The following ANAPC4 variants were observed in gnomAD, a reference collection of about 807,000 sequenced individuals.
ANAPC4 encodes the protein anaphase promoting complex subunit 4.
Under a neutral mutation model 119.8 loss-of-function variants are expected in ANAPC4, and 63 were observed. That is an observed-to-expected ratio of 0.53 (90% CI 0.43 to 0.65). The LOEUF is 0.65. Among genes scored for constraint, ANAPC4 ranks in the 30% least tolerant of loss-of-function variants. ANAPC4 has a pLI of 0.00. For missense variants in ANAPC4, 716 were observed against 945.1 expected (o/e 0.76, Z 3.18); for synonymous variants, 283 against 318.6 (o/e 0.89, Z 1.19).
chr4:25,394,845 G>A lies in ANAPC4; in HGVS notation c.1001G>A (p.Gly334Asp). The A allele has an allele frequency of 1.2e-6, 2 of 1,612,712 alleles. No individual in the cohort carries two copies. Among genetic ancestry groups the A allele is most frequent in the Non-Finnish European group, 1.7e-6 (2 of 1,179,602 alleles). The change falls in exon 14 of 29, where the codon GGC (glycine) becomes GAC (aspartate). Residue 334 changes from glycine (G) to aspartate (D), a missense_variant. Physicochemically the swap from Gly to Asp is moderately conservative, Grantham distance 94. This residue lies in a region of ANAPC4 where 504 missense variants were observed against 615.8 expected (regional missense o/e 0.82). Coordinates refer to ENST00000315368, the MANE Select transcript of ANAPC4 (RefSeq NM_013367.3). ...TTTAATTAGGGCTTGAAAAAGCTTG[G>A]CCAGTCTATAGAGTCATCATACTCC... is the stretch of plus-strand genomic sequence containing the variant. ...QLTVKGLKKL[G>D]QSIESSYSSI...
chr4:25,417,173 G>A (rs1723932541), intron 27 of ANAPC4: 2 of 151,892 alleles, frequency 1.3e-5, no homozygotes, highest in Non-Finnish European at 2.9e-5. Context: ...CACCCAGGTT[G>A]GAGTGCAGTG....
intron 21 of ANAPC4, chr4:25,413,399 G>A (rs1401131715): frequency 5.6e-6 from 2 of 354,382 alleles, no homozygotes; most frequent in Non-Finnish European, 1.0e-5. Flanking sequence ...CCTACAGTTG[G>A]ATTTTGGTGA....
intron 16 of ANAPC4, among the ~76,000 whole-genome samples, chr4:25,397,114 C>T (rs1200210245): frequency 1.3e-5 from 2 of 152,308 alleles, no homozygotes; most frequent in Middle Eastern, 3.4e-3. Flanking sequence ...CAGGTCTTCT[C>T]GCCAGAGGGA....
intron 2 of ANAPC4, 56 bp downstream of exon 2, chr4:25,377,612 A>G: frequency 6.6e-7 from 1 of 1,505,414 alleles, no homozygotes; most frequent in Non-Finnish European, 8.8e-7. Flanking sequence ...GGGGCCCAAG[A>G]ACACCGAGCC....
intron 8 of ANAPC4, 106 bp from the exon 9 acceptor site, chr4:25,390,804 GA>G: frequency 5.2e-6 from 4 of 764,898 alleles, no homozygotes; most frequent in Non-Finnish European, 8.5e-6. Flanking sequence ...CTGGAGCTGG[GA>G]ATTTGTTTCT....
rs199602455 is a variant in ANAPC4 at position 25,377,410 on chromosome 4, C to A, written c.-10-8C>A. ...TCCTGCCGGCCTCTGACTGGGGTGT[C>A]GTTGCAGGGCCGTCCCCATGTTGCG... On this transcript the variant is annotated splice_polypyrimidine_tract_variant and splice_region_variant and intron_variant, in intron 1 of 28. Transcript: ENST00000315368. 5 of 1,612,876 alleles carry A rather than the reference C, an allele frequency of 3.1e-6. No individual in the cohort carries two copies. In the Admixed American group the frequency reaches 5.0e-5, roughly 16 times the overall value.
chr4:25,407,595 C>G (rs1477052267), intron 20 of ANAPC4, among the ~76,000 whole-genome samples: 1 of 151,266 alleles, frequency 6.6e-6, no homozygotes, highest in African/African-American at 2.4e-5. Flanking sequence ...GAACAAGACT[C>G]TGTCTCAAAA....
intron 17 of ANAPC4, among the ~76,000 whole-genome samples, chr4:25,404,414 G>A (rs918751518): frequency 1.3e-5 from 2 of 151,974 alleles, no homozygotes; most frequent in Non-Finnish European, 2.9e-5. Flanking sequence ...TATAATTATT[G>A]GAGGTAATTT....
Position 25,414,579 on chromosome 4 carries a change from A to T in ANAPC4, c.1725-20A>T. The T allele has an allele frequency of 6.4e-7, 1 of 1,552,176 alleles. No individual in the cohort carries two copies. The highest frequency in any genetic ancestry group is 8.7e-7 in the Non-Finnish European group (1 of 1,145,736). ...TATCCATCAATAGTTAAAAAATATT[A>T]TGACAATTTTTTTTCTTAGGTGGAA... On this transcript the variant is annotated intron_variant, in intron 24 of 28. Transcript: ENST00000315368.
At chr4:25,416,224 A>G in intron 26 of ANAPC4, 2 of 377,206 alleles carry the variant, frequency 5.3e-6, no homozygotes, top group East Asian at 8.1e-5. Context: ...ACCCATTTTT[A>G]AGATTTGGTT....
Position 25,390,162 on chromosome 4 carries a change from G to A in ANAPC4, c.542G>A (p.Ser181Asn). The change falls in exon 8 of 29, where the codon AGC (serine) becomes AAC (asparagine). Residue 181 changes from serine to asparagine, a missense_variant. This residue lies in a region of ANAPC4 where 202 missense variants were observed against 293.5 expected (regional missense o/e 0.69). Transcript: ENST00000315368. ...VRLNILVLGG[S>N]SGFIELYAYG... is the part of the protein sequence containing the mutation. ...CTTAATATTCTCGTCCTTGGAGGAA[G>A]CTCTGGATTTATTGAGCTTTATGCT... The A allele has an allele frequency of 6.2e-7, 1 of 1,613,166 alleles. No individual in the cohort carries two copies. Among genetic ancestry groups the A allele is most frequent in the Non-Finnish European group, 8.5e-7 (1 of 1,179,514 alleles).
intron 14 of ANAPC4, among the ~76,000 whole-genome samples, chr4:25,396,004 A>G (rs1400668284): frequency 1.3e-5 from 2 of 152,196 alleles, no homozygotes; most frequent in Admixed American, 6.5e-5. Flanking sequence ...ACTGATGGCC[A>G]TTTAGTTTCT....
chr4:25,398,046 G>A (rs1171927623), intron 16 of ANAPC4, among the ~76,000 whole-genome samples: 1 of 152,130 alleles, frequency 6.6e-6, no homozygotes, highest in Non-Finnish European at 1.5e-5. Flanking sequence ...GACTACAGGA[G>A]TATGCCATTA....
intron 8 of ANAPC4, 71 bp from the exon 9 acceptor site, chr4:25,390,840 C>T (rs1223351828): frequency 8.4e-7 from 1 of 1,192,514 alleles, no homozygotes; most frequent in Non-Finnish European, 1.2e-6. Context: ...TGAGTTTTTG[C>T]TTTCTGCATG....
chr4:25,416,603 C>G lies in ANAPC4; in HGVS notation c.2075+5C>G, dbSNP rs1241194953. The G allele has an allele frequency of 4.7e-6, 7 of 1,503,878 alleles. No homozygotes were observed. The highest frequency in any genetic ancestry group is 6.3e-6 in the Non-Finnish European group (7 of 1,114,188). 93.2% of individuals were successfully genotyped at this position (1,503,878 alleles called of 1,614,324 possible). ...CACTGGGACTTATTCTACAAGGTAA[C>G]TAGTAACATTGTCTTTCTGATATTA... is the stretch of plus-strand genomic sequence containing the variant. On this transcript the variant is annotated splice_donor_5th_base_variant and intron_variant, in intron 27 of 28. Coordinates refer to ENST00000315368, the MANE Select transcript of ANAPC4 (RefSeq NM_013367.3).
chr4:25,389,206 T>C (rs1440804079), intron 7 of ANAPC4, among the ~76,000 whole-genome samples: 2 of 150,138 alleles, frequency 1.3e-5, no homozygotes, highest in Non-Finnish European at 3.0e-5. Flanking sequence ...GTTGCCAGGC[T>C]GGAGTACAGT....
At chr4:25,410,538 A>G (rs1412072058) in intron 21 of ANAPC4, among the ~76,000 whole-genome samples, 1 of 152,152 alleles carries the variant, frequency 6.6e-6, no homozygotes, top group Admixed American at 6.5e-5. Flanking sequence ...GAGGAAACAG[A>G]AGGTTAGAGA....
chr4:25,390,888 T>TA, intron 8 of ANAPC4, 23 bp from the exon 9 acceptor site: 20 of 1,563,420 alleles, frequency 1.3e-5, no homozygotes, highest in Non-Finnish European at 1.8e-5. Context: ...CTAAATATAC[T>TA]AAGGGGTTTG....
rs1395949687 is a variant in ANAPC4, at chr4:25,416,591, T to A, written c.2068T>A (p.Ser690Thr). 6.5e-7 allele frequency: 1 copy of A among 1,529,664 alleles called. No homozygotes were observed. The highest frequency in any genetic ancestry group is 8.9e-7 in the Non-Finnish European group (1 of 1,128,386). The allele number at this position is 1,529,664 out of a possible 1,614,324, so 94.8% of individuals were successfully genotyped here. A position where few individuals can be genotyped will look rare whatever the true frequency, so the allele number is the denominator to read the frequency against. The change falls in exon 27 of 29, where the codon TCT becomes ACT. Residue 690 changes from serine to threonine, a missense_variant. Physicochemically the swap from Ser to Thr is moderately conservative, Grantham distance 58 (BLOSUM62 1). Coordinates refer to ENST00000315368, the MANE Select transcript of ANAPC4 (RefSeq NM_013367.3). ...SAEYQFTGTYSTRLDEQCSAI... is the reference protein window; with the variant it reads ...SAEYQFTGTYTTRLDEQCSAI... Reference sequence around the variant, plus strand: ...AGAATATCAGTTCACTGGGACTTATTCTACAAGGTAACTAGTAACATTGTC... The same window carrying A: ...AGAATATCAGTTCACTGGGACTTATACTACAAGGTAACTAGTAACATTGTC...
Sources: allele counts gnomAD v4.1 joint callset (sites outside exome capture counted in the v4.1 genomes callset), GRCh38; gene constraint gnomAD v4.1.1; regional missense constraint gnomAD v4.1.1; transcripts MANE v1.5; gene names NCBI Gene and HGNC (gene_info 2026-07-23, HGNC 2026-07-21).